The following SDK1 variants were observed in gnomAD, a reference collection of about 807,000 sequenced individuals.
SDK1 encodes the protein protein sidekick-1.
Under a neutral mutation model 245.5 loss-of-function variants are expected in SDK1, and 157 were observed. The ratio of observed to expected loss-of-function variants is 0.64; its 90% CI spans 0.56 to 0.73. SDK1 has a LOEUF of 0.73. SDK1 is among the 30% of genes least tolerant of loss of function. The pLI is 0.00. For synonymous variants in SDK1, 1,647 were observed against 1,278.5 expected, an observed-to-expected ratio of 1.29 and a Z score of -6.15; for missense variants, 3,583 against 3,002.3, an observed-to-expected ratio of 1.19 and a Z score of -4.52.
intron 25 of SDK1, among the ~76,000 whole-genome samples, chr7:4,120,657 C>T (rs1783995861): frequency 1.6e-5 from 2 of 124,758 alleles, no homozygotes; most frequent in South Asian, 5.5e-4. Flanking sequence ...CACTCTGTCA[C>T]CTGGGCTGGA....
At chr7:3,451,841 A>G (rs1297699263) in intron 1 of SDK1, among the ~76,000 whole-genome samples, 1 of 152,192 alleles carries the variant, frequency 6.6e-6, no homozygotes, top group Non-Finnish European at 1.5e-5. Flanking sequence ...AAACTAGTGT[A>G]GTAAGTGAAA....
At chr7:4,048,840 T>C (rs1309478145) in intron 17 of SDK1, among the ~76,000 whole-genome samples, 1 of 152,216 alleles carries the variant, frequency 6.6e-6, no homozygotes, top group Non-Finnish European at 1.5e-5. Flanking sequence ...CAAAAATGAT[T>C]GTCCCCGTTG....
chr7:4,024,423 A>T (rs1208007864), intron 17 of SDK1, among the ~76,000 whole-genome samples: 1 of 152,228 alleles, frequency 6.6e-6, no homozygotes, highest in Non-Finnish European at 1.5e-5. Context: ...AGAATAGGAT[A>T]ATGTTCCAGA....
intron 4 of SDK1, among the ~76,000 whole-genome samples, chr7:3,720,832 C>T (rs1261706066): frequency 6.6e-6 from 1 of 152,158 alleles, no homozygotes; most frequent in Non-Finnish European, 1.5e-5. Flanking sequence ...TAGCCCAAAC[C>T]TAGGAAAAGT....
chr7:3,488,671 G>A lies in SDK1; in HGVS notation c.299-130409G>A, dbSNP rs571088684. ...AAACCAACTGAAAATGGCTTGAATA[G>A]AAAGAACATTTATTATCTACATAAG... On this transcript the variant is annotated intron_variant, in intron 1 of 44. Transcript: ENST00000404826. 4.6e-5 allele frequency among the ~76,000 whole-genome samples: 7 copies of A among 152,282 alleles called. No individual in the cohort carries two copies. The East Asian group carries it at 1.4e-3, about 29-fold the overall frequency.
Position 3,990,756 on chromosome 7 carries a change from T to G in SDK1, c.2131+3434T>G, listed in dbSNP as rs75103781. Among the ~76,000 whole-genome samples the G allele has an allele frequency of 2.9e-3, 445 of 152,342 alleles. 2 individuals carry two copies. Among genetic ancestry groups the G allele is most frequent in the African/African-American group, 0.01 (425 of 41,580 alleles). On this transcript the variant is annotated intron_variant, in intron 14 of 44. Coordinates refer to ENST00000404826, the MANE Select transcript of SDK1 (RefSeq NM_152744.4). ...TCTCTCCAGTGGAGTCCTCTTGTGA[T>G]GCACTGAAAATTACAGTCATGGACC...
At chr7:3,903,347 G>C (rs1191870655) in intron 5 of SDK1, among the ~76,000 whole-genome samples, 1 of 152,042 alleles carries the variant, frequency 6.6e-6, no homozygotes, top group Non-Finnish European at 1.5e-5. Flanking sequence ...GTTTCACCGT[G>C]TTAGCCAGGA....
chr7:4,178,989 G>C, intron 35 of SDK1: 1 of 174,450 alleles, frequency 5.7e-6, no homozygotes, highest in Non-Finnish European at 1.2e-5. Flanking sequence ...CCTGGTGACA[G>C]CCCATTCTCT....
At position 3,701,414 on chromosome 7, in the gene SDK1, C is replaced by T. The variant is rs184241852; in HGVS notation, c.713+59309C>T. On this transcript the variant is annotated intron_variant, in intron 4 of 44. Transcript: ENST00000404826. Reference sequence around the variant, plus strand: ...GGTTTAATGTAATTCATATCAAAATCGTAGCAAGACTTTGTGTAGGTACAG... The same window carrying T: ...GGTTTAATGTAATTCATATCAAAATTGTAGCAAGACTTTGTGTAGGTACAG... Among the ~76,000 whole-genome samples, 28 of 152,222 alleles carry T rather than the reference C, an allele frequency of 1.8e-4. 1 individual carries two copies. The East Asian group carries it at 3.3e-3, about 18-fold the overall frequency.
intron 5 of SDK1, among the ~76,000 whole-genome samples, chr7:3,836,472 T>C (rs1168635346): frequency 5.3e-5 from 8 of 152,300 alleles, no homozygotes; most frequent in Admixed American, 5.2e-4. Context: ...ATCATAGGCA[T>C]TGAGGATATC....
At chr7:3,703,333 G>A in intron 4 of SDK1, among the ~76,000 whole-genome samples, 1 of 152,172 alleles carries the variant, frequency 6.6e-6, no homozygotes, top group South Asian at 2.1e-4. Context: ...ATGAGTCTGA[G>A]GGGAATTACA....
intron 1 of SDK1, among the ~76,000 whole-genome samples, chr7:3,471,922 C>T (rs892895153): frequency 6.6e-6 from 1 of 152,084 alleles, no homozygotes; most frequent in Non-Finnish European, 1.5e-5. Context: ...GTTTATTTTC[C>T]TTTTGAAAAT....
intron 4 of SDK1, among the ~76,000 whole-genome samples, chr7:3,751,867 C>T (rs989587004): frequency 6.6e-6 from 1 of 152,168 alleles, no homozygotes; most frequent in Non-Finnish European, 1.5e-5. Flanking sequence ...TTTCTACTTC[C>T]TTTCTTTTTC....
intron 2 of SDK1, among the ~76,000 whole-genome samples, chr7:3,638,515 T>G (rs1677195546): frequency 6.6e-6 from 1 of 151,184 alleles, no homozygotes; most frequent in Non-Finnish European, 1.5e-5. Context: ...ACCATCATTC[T>G]CAGCAAACTA....
chr7:3,770,511 C>T (rs1041933791), intron 4 of SDK1, among the ~76,000 whole-genome samples: 6 of 152,170 alleles, frequency 3.9e-5, no homozygotes. Context: ...GTTTAGTTTC[C>T]TAAGAAATTG....
chr7:3,874,630 A>G (rs1781031296), intron 5 of SDK1, among the ~76,000 whole-genome samples: 1 of 151,836 alleles, frequency 6.6e-6, no homozygotes, highest in Non-Finnish European at 1.5e-5. Context: ...CTGCAGTGCG[A>G]TCCCACCCCT....
chr7:4,050,888 T>G (rs1039829808), intron 18 of SDK1, among the ~76,000 whole-genome samples: 2 of 144,198 alleles, frequency 1.4e-5, no homozygotes, highest in Non-Finnish European at 3.0e-5. Flanking sequence ...ATATATACCA[T>G]ATAGTATATA....
intron 4 of SDK1, among the ~76,000 whole-genome samples, chr7:3,646,096 A>T (rs1467014953): frequency 6.6e-6 from 1 of 152,062 alleles, no homozygotes; most frequent in Non-Finnish European, 1.5e-5. Context: ...TGACCTTGTG[A>T]TCCACCCACC....
chr7:3,501,464 G>C (rs1344030933), intron 1 of SDK1, among the ~76,000 whole-genome samples: 1 of 151,970 alleles, frequency 6.6e-6, no homozygotes, highest in Admixed American at 6.5e-5. Context: ...TGCGTAAAAT[G>C]CTTTAATGTG....
Sources: gnomAD v4.1 joint callset for allele counts (sites outside exome capture counted in the v4.1 genomes callset) on GRCh38, gnomAD v4.1.1 for gene constraint, MANE v1.5 for transcripts, NCBI Gene and HGNC (gene_info 2026-07-23, HGNC 2026-07-21) for gene names.